RASSF3: variants seen among roughly 807,000 people sequenced by gnomAD.
The protein encoded by RASSF3 is ras association domain-containing protein 3.
Under a neutral mutation model 19.9 loss-of-function variants are expected in RASSF3, and 19 were observed. That is an observed-to-expected ratio of 0.96 (90% confidence interval 0.67 to 1.40). RASSF3 has a LOEUF of 1.40. RASSF3 is among the 40% of genes most tolerant of loss of function. The pLI is 0.00. For synonymous variants in RASSF3, 110 were observed against 104.2 expected (o/e 1.06, Z -0.34); for missense variants, 306 against 289.8 (o/e 1.06, Z -0.41).
intron 1 of RASSF3, among the ~76,000 whole-genome samples, chr12:64,522,696 A>G (rs1423560393): frequency 1.3e-5 from 2 of 152,204 alleles, no homozygotes; most frequent in Non-Finnish European, 2.9e-5. Flanking sequence ...AAGAAATAAA[A>G]AAAACTGGAA....
chr12:64,682,309 C>T (rs1162132109), intron 1 of RASSF3, among the ~76,000 whole-genome samples: 1 of 152,142 alleles, frequency 6.6e-6, no homozygotes, highest in South Asian at 2.1e-4. Context: ...AGGTGGCTCA[C>T]GCCTGTAATC....
intron 1 of RASSF3, among the ~76,000 whole-genome samples, chr12:64,522,479 C>G (rs1868499423): frequency 6.6e-6 from 1 of 152,046 alleles, no homozygotes; most frequent in African/African-American, 2.4e-5. Context: ...CCCTCCTCCT[C>G]CCACTCAGCC....
intron 1 of RASSF3, among the ~76,000 whole-genome samples, chr12:64,523,860 A>ACTGCAC (rs1868528811): frequency 1.3e-5 from 2 of 151,786 alleles, no homozygotes; most frequent in Non-Finnish European, 1.5e-5. Flanking sequence ...AGAACATGCC[A>ACTGCAC]CTGCACCCGC....
intron 1 of RASSF3, among the ~76,000 whole-genome samples, chr12:64,527,282 G>A (rs1868608640): frequency 6.6e-6 from 1 of 152,186 alleles, no homozygotes; most frequent in East Asian, 1.9e-4. Context: ...CCATGTGTTG[G>A]CAGATGACTG....
At chr12:64,530,555 G>T (rs1193947110), upstream of RASSF3, among the ~76,000 whole-genome samples, 3 of 152,128 alleles carry the variant, frequency 2.0e-5, no homozygotes. Context: ...CTTTGTATGG[G>T]CATATGCTTT....
At chr12:64,551,275 G>A (rs1350121209) in intron 2 of RASSF3, among the ~76,000 whole-genome samples, 3 of 152,060 alleles carry the variant, frequency 2.0e-5, no homozygotes, top group African/African-American at 7.2e-5. Flanking sequence ...TGTAATAGGC[G>A]GGCACTATAA....
chr12:64,685,420 TTTTTTGTAGAGACGGGG>T (rs1381436801), intron 2 of RASSF3, among the ~76,000 whole-genome samples: 1 of 152,080 alleles, frequency 6.6e-6, no homozygotes, highest in African/African-American at 2.4e-5. Flanking sequence ...AATTTTTGTA[TTTTTTGTAGAGACGGGG>T]TTTTGCCATA....
chr12:64,546,676 G>A (rs941342766), downstream of RASSF3, among the ~76,000 whole-genome samples: 1 of 152,120 alleles, frequency 6.6e-6, no homozygotes, highest in African/African-American at 2.4e-5. Flanking sequence ...AATGATAAAT[G>A]CAATGGTTCT....
At chr12:64,641,318 C>A (rs1871509041) in intron 1 of RASSF3, among the ~76,000 whole-genome samples, 1 of 151,530 alleles carries the variant, frequency 6.6e-6, no homozygotes, top group African/African-American at 2.4e-5. Context: ...ATCTCTTGAG[C>A]CCAAGAGGTG....
chr12:64,595,231 C>G (rs1428807902), intron 2 of RASSF3, among the ~76,000 whole-genome samples: 14 of 151,844 alleles, frequency 9.2e-5, no homozygotes, highest in African/African-American at 3.1e-4. Context: ...CCACGCCAGG[C>G]TAATTTTTGT....
rs143676505 is a variant in RASSF3, at chr12:64,518,498, C to T, written c.169+11169C>T. On this transcript the variant is annotated intron_variant, in intron 1 of 5. Coordinates refer to the RASSF3 transcript ENST00000637125. ...AACTCTTTTAAACAACCAGATCTCA[C>T]ATGAAGAGTGAGAACTCACTTATTA... Among the ~76,000 whole-genome samples the T allele has an allele frequency of 2.9e-3, 446 of 152,288 alleles. 3 individuals are homozygous for T. The highest frequency in any genetic ancestry group is 0.01 in the African/African-American group (424 of 41,548).
chr12:64,666,167 C>G (rs748609477), intron 1 of RASSF3, among the ~76,000 whole-genome samples: 1 of 152,156 alleles, frequency 6.6e-6, no homozygotes, highest in Admixed American at 6.6e-5. Flanking sequence ...AGTGTTTTCT[C>G]AAGATAAGCA....
chr12:64,532,609 G>A (rs1350656976), upstream of RASSF3, among the ~76,000 whole-genome samples: 1 of 151,782 alleles, frequency 6.6e-6, no homozygotes, highest in African/African-American at 2.4e-5. Flanking sequence ...GACTGCTTAA[G>A]TCCAGGGGTT....
At chr12:64,585,281 C>T (rs1415739412) in intron 2 of RASSF3, among the ~76,000 whole-genome samples, 1 of 152,160 alleles carries the variant, frequency 6.6e-6, no homozygotes, top group African/African-American at 2.4e-5. Context: ...TTAGAAGGCC[C>T]TCATGATCTA....
chr12:64,556,864 T>C (rs1869265016), intron 2 of RASSF3, among the ~76,000 whole-genome samples: 1 of 146,230 alleles, frequency 6.8e-6, no homozygotes. Flanking sequence ...TTGAGACAAG[T>C]CTTGCTCCGT....
chr12:64,546,456 G>A (rs1327505662), downstream of RASSF3, among the ~76,000 whole-genome samples: 1 of 152,014 alleles, frequency 6.6e-6, no homozygotes, highest in Non-Finnish European at 1.5e-5. Flanking sequence ...ATTTTTAGTA[G>A]AGACGGGGTT....
chr12:64,691,464 A>G lies in RASSF3; in HGVS notation c.458-6A>G. 1.3e-6 allele frequency: 2 copies of G among 1,594,294 alleles called. No homozygotes were observed. Among genetic ancestry groups the G allele is most frequent in the Non-Finnish European group, 1.7e-6 (2 of 1,162,220 alleles). On this transcript the variant is annotated splice_region_variant and splice_polypyrimidine_tract_variant and intron_variant, in intron 3 of 4. Transcript: ENST00000542104. ...TCTGTAACATGCTGCTTGTTTCTTT[A>G]CCCAGTCTACGCCTGCAAGCTCTCA...
chr12:64,658,560 G>A (rs1446077544), intron 1 of RASSF3, among the ~76,000 whole-genome samples: 1 of 152,176 alleles, frequency 6.6e-6, no homozygotes, highest in Non-Finnish European at 1.5e-5. Flanking sequence ...CCAGCACTTT[G>A]GAAGGCTGAG....
chr12:64,649,384 G>A (rs1871859228), intron 1 of RASSF3, among the ~76,000 whole-genome samples: 1 of 152,030 alleles, frequency 6.6e-6, no homozygotes, highest in Admixed American at 6.6e-5. Context: ...AGTAGAGACA[G>A]GGTTTCACCG....
Sources: allele counts gnomAD v4.1 joint callset (sites outside exome capture counted in the v4.1 genomes callset), GRCh38; gene constraint gnomAD v4.1.1; transcripts MANE v1.5; gene names NCBI Gene and HGNC (gene_info 2026-07-23, HGNC 2026-07-21).